The following WDR49 variants were observed in gnomAD, a reference collection of about 807,000 sequenced individuals.
WDR49 encodes the protein cilia- and flagella-associated protein 337.
Under a neutral mutation model 119.5 loss-of-function variants are expected in WDR49, and 107 were observed. The observed-to-expected ratio is 0.90, with a 90% CI of 0.77 to 1.05. The LOEUF (loss-of-function observed/expected upper bound fraction) is 1.05. Among genes scored for constraint, WDR49 ranks in the 50% least tolerant of loss-of-function variants. The pLI is 0.00. For missense variants in WDR49, 1,240 were observed against 1,220.5 expected (o/e 1.02, Z -0.24); for synonymous variants, 425 against 418.8 (o/e 1.01, Z -0.18).
intron 5 of WDR49, among the ~76,000 whole-genome samples, chr3:167,605,853 C>G (rs1279225716): frequency 6.6e-6 from 1 of 152,148 alleles, no homozygotes; most frequent in Non-Finnish European, 1.5e-5. Flanking sequence ...AAGTAATTGT[C>G]AAACTCAGGT....
chr3:167,520,796 C>T (rs1002648293), intron 16 of WDR49, among the ~76,000 whole-genome samples: 3 of 152,202 alleles, frequency 2.0e-5, no homozygotes, highest in East Asian at 1.9e-4. Context: ...AAGAAGGTAG[C>T]TCCAAAACTG....
At chr3:167,620,003 A>G (rs77123645) in intron 5 of WDR49, among the ~76,000 whole-genome samples, 202 of 152,254 alleles carry the variant, frequency 1.3e-3, no homozygotes, top group African/African-American at 4.6e-3. Context: ...AGACAATTCA[A>G]TTCTAAAGGC....
chr3:167,512,768 G>A (rs1004463558), intron 16 of WDR49, among the ~76,000 whole-genome samples: 4 of 152,180 alleles, frequency 2.6e-5, no homozygotes, highest in African/African-American at 9.7e-5. Context: ...TAACAAAGAT[G>A]ACCTGAAAGA....
intron 5 of WDR49, among the ~76,000 whole-genome samples, chr3:167,606,232 G>C (rs1290277365): frequency 6.6e-6 from 1 of 152,066 alleles, no homozygotes; most frequent in Non-Finnish European, 1.5e-5. Flanking sequence ...ACCCCTTTGG[G>C]AATCTGATGA....
intron 15 of WDR49, among the ~76,000 whole-genome samples, chr3:167,522,751 T>A (rs2108232768): frequency 6.6e-6 from 1 of 152,206 alleles, no homozygotes; most frequent in Non-Finnish European, 1.5e-5. Context: ...CTACAAAAAT[T>A]TTTTTACCAT....
At chr3:167,494,484 C>A (rs1329006166) in intron 18 of WDR49, among the ~76,000 whole-genome samples, 2 of 150,840 alleles carry the variant, frequency 1.3e-5, no homozygotes, top group Admixed American at 6.6e-5. Context: ...AAAAAAAAAA[C>A]AGATAAATTA....
intron 7 of WDR49, among the ~76,000 whole-genome samples, chr3:167,588,514 A>G: frequency 6.6e-6 from 1 of 151,834 alleles, no homozygotes; most frequent in Non-Finnish European, 1.5e-5. Flanking sequence ...TTTTAGCTCT[A>G]TTACAGTGGT....
chr3:167,616,864 C>G lies in WDR49; in HGVS notation c.958+3565G>C, dbSNP rs116628619. ...ATAAAACATTGTATTATGTGTTATA[C>G]TGGATACTAAGGTGAATGAGGAATA... On this transcript the variant is annotated intron_variant, in intron 5 of 18. Coordinates refer to ENST00000682715, the MANE Select transcript of WDR49 (RefSeq NM_001366157.1). Among the ~76,000 whole-genome samples the G allele has an allele frequency of 4.5e-3, 679 of 152,210 alleles. 5 individuals carry two copies. Among genetic ancestry groups the G allele is most frequent in the African/African-American group, 0.013 (549 of 41,524 alleles).
intron 7 of WDR49, among the ~76,000 whole-genome samples, chr3:167,584,331 A>T (rs1296240937): frequency 1.3e-5 from 2 of 152,126 alleles, no homozygotes; most frequent in Admixed American, 6.5e-5. Flanking sequence ...TAAACAGAGA[A>T]ATACTGAGAG....
chr3:167,653,526 C>T, intron 1 of WDR49, 27 bp from the exon 2 acceptor site: 1 of 1,350,766 alleles, frequency 7.4e-7, no homozygotes, highest in Non-Finnish European at 9.6e-7. Flanking sequence ...AACTTAGCAA[C>T]AGAATTCCAA....
intron 18 of WDR49, among the ~76,000 whole-genome samples, chr3:167,490,791 G>A (rs1314422914): frequency 6.6e-6 from 1 of 151,988 alleles, no homozygotes. Context: ...GCCACTGACG[G>A]ATATGCAAAC....
upstream of WDR49, among the ~76,000 whole-genome samples, chr3:167,654,792 G>A (rs978301234): frequency 5.9e-5 from 9 of 151,898 alleles, no homozygotes; most frequent in Non-Finnish European, 1.3e-4. Context: ...CCAGCTACTC[G>A]GGAGGCTGAG....
intron 2 of WDR49, among the ~76,000 whole-genome samples, chr3:167,647,748 A>G (rs1342440553): frequency 2.6e-5 from 4 of 152,198 alleles, no homozygotes; most frequent in African/African-American, 9.6e-5. Context: ...TACTATATAC[A>G]GGTGAGACTA....
intron 7 of WDR49, among the ~76,000 whole-genome samples, chr3:167,598,826 T>C (rs1187168428): frequency 1.3e-5 from 2 of 152,382 alleles, no homozygotes; most frequent in South Asian, 2.1e-4. Context: ...GATGCTGTAG[T>C]TCTTGCAGAC....
intron 14 of WDR49, 27 bp from the exon 15 acceptor site, chr3:167,528,044 T>TAAA: frequency 6.3e-7 from 1 of 1,580,294 alleles, no homozygotes; most frequent in East Asian, 2.3e-5. Context: ...ACCAGAACTC[T>TAAA]AAAAAATTCA....
intron 16 of WDR49, among the ~76,000 whole-genome samples, chr3:167,521,963 A>AAGATAGATAGAT (rs201398579): frequency 8.0e-4 from 62 of 77,226 alleles, no homozygotes; most frequent in Middle Eastern, 6.2e-3. Context: ...TACACATTCT[A>AAGATAGATAGAT]AGATAGATAG....
chr3:167,518,131 C>A (rs1752291443), intron 16 of WDR49, among the ~76,000 whole-genome samples: 1 of 151,830 alleles, frequency 6.6e-6, no homozygotes, highest in Non-Finnish European at 1.5e-5. Flanking sequence ...TCCAGTCTAT[C>A]ATTGTTGGAC....
intron 9 of WDR49, among the ~76,000 whole-genome samples, chr3:167,559,494 TATG>T (rs1294201944): frequency 1.3e-5 from 2 of 152,158 alleles, no homozygotes; most frequent in African/African-American, 2.4e-5. Flanking sequence ...AGAAGAAATA[TATG>T]ATAATTATAG....
intron 16 of WDR49, among the ~76,000 whole-genome samples, chr3:167,514,457 T>C (rs1752112641): frequency 1.3e-5 from 2 of 151,982 alleles, no homozygotes; most frequent in South Asian, 4.2e-4. Flanking sequence ...GCTAATGCAG[T>C]GTTAACAGAA....
Sources: gnomAD v4.1 joint callset for allele counts (sites outside exome capture counted in the v4.1 genomes callset) on GRCh38, gnomAD v4.1.1 for gene constraint, MANE v1.5 for transcripts, NCBI Gene and HGNC (gene_info 2026-07-23, HGNC 2026-07-21) for gene names.